SUMF1: variants seen among roughly 807,000 people sequenced by gnomAD.
SUMF1 encodes the protein formylglycine-generating enzyme.
Under a neutral mutation model 47.6 loss-of-function variants are expected in SUMF1, and 48 were observed. That is an observed-to-expected ratio of 1.01 (90% CI 0.80 to 1.28). The LOEUF (loss-of-function observed/expected upper bound fraction) is 1.28. Among genes scored for constraint, SUMF1 ranks in the 50% most tolerant of loss-of-function variants. The probability of loss-of-function intolerance (pLI) is 0.00; values close to 1 mark genes in which losing one functional copy is unlikely to be tolerated. For synonymous variants in SUMF1, 230 were observed against 192.1 expected (o/e 1.20, Z -1.63); for missense variants, 571 against 485.4 (o/e 1.18, Z -1.66).
intron 7 of SUMF1, among the ~76,000 whole-genome samples, chr3:4,403,214 G>C (rs1274446182): frequency 6.6e-6 from 1 of 152,178 alleles, no homozygotes; most frequent in Non-Finnish European, 1.5e-5. Flanking sequence ...TAAGTGACTT[G>C]CACAGGGTCA....
Position 4,239,814 on chromosome 3 carries a change from AG to A in SUMF1, c.1014+136515del, listed in dbSNP as rs1199081252. 5.9e-5 allele frequency among the ~76,000 whole-genome samples: 9 copies of A among 152,166 alleles called. 1 individual carries two copies. The highest frequency in any genetic ancestry group is 2.2e-4 in the African/African-American group (9 of 41,430). On this transcript the variant is annotated intron_variant and NMD_transcript_variant, in intron 8 of 12. Transcript: ENST00000448413. ...CAGAACTTCCAATTCTATGTTGAAT[AG>A]GAGTGGTGAGAGAGGGCATCCTTGT...
chr3:4,164,229 C>G (rs1694647421), intron 8 of SUMF1, among the ~76,000 whole-genome samples: 1 of 152,092 alleles, frequency 6.6e-6, no homozygotes, highest in Non-Finnish European at 1.5e-5. Context: ...CCCAGGATTC[C>G]TAGGATGGTA....
At chr3:4,035,723 C>A (rs1310426137) in intron 9 of SUMF1, among the ~76,000 whole-genome samples, 3 of 152,104 alleles carry the variant, frequency 2.0e-5, no homozygotes, top group African/African-American at 7.2e-5. Context: ...GGGCATAGAA[C>A]AAATGTGCCC....
intron 9 of SUMF1, among the ~76,000 whole-genome samples, chr3:4,053,555 A>T (rs1431381091): frequency 1.3e-5 from 2 of 152,086 alleles, no homozygotes; most frequent in East Asian, 1.9e-4. Context: ...AGAATCAAAA[A>T]AGCTATGAGG....
At chr3:4,172,475 T>A (rs189590484) in intron 8 of SUMF1, among the ~76,000 whole-genome samples, 1 of 152,292 alleles carries the variant, frequency 6.6e-6, no homozygotes, top group East Asian at 1.9e-4. Context: ...TCTGAGAACT[T>A]TCCTTATACA....
chr3:4,043,656 C>G (rs550955281), intron 9 of SUMF1, among the ~76,000 whole-genome samples: 6 of 152,092 alleles, frequency 3.9e-5, no homozygotes, highest in Non-Finnish European at 8.8e-5. Context: ...CTCTCTTCTT[C>G]GTCTATCTCA....
intron 5 of SUMF1, 68 bp from the exon 6 acceptor site, chr3:4,417,310 G>T: frequency 7.6e-7 from 1 of 1,309,768 alleles, no homozygotes. Flanking sequence ...TCAAGAGAAG[G>T]GATGCAATGA....
At chr3:4,437,428 T>A (rs914314540) in intron 3 of SUMF1, among the ~76,000 whole-genome samples, 2 of 150,906 alleles carry the variant, frequency 1.3e-5, no homozygotes, top group African/African-American at 4.9e-5. Flanking sequence ...ATAAGAAAAA[T>A]AAAACACAGG....
At chr3:4,105,602 T>G (rs563333178) in intron 8 of SUMF1, among the ~76,000 whole-genome samples, 1 of 152,088 alleles carries the variant, frequency 6.6e-6, no homozygotes, top group East Asian at 1.9e-4. Flanking sequence ...ATGATAATAC[T>G]GACAGAAATA....
chr3:4,389,832 T>C (rs1057444033), intron 7 of SUMF1, among the ~76,000 whole-genome samples: 1 of 152,210 alleles, frequency 6.6e-6, no homozygotes, highest in Non-Finnish European at 1.5e-5. Context: ...TATTTTCTAT[T>C]TCTTTGCTGA....
At chr3:4,104,794 C>T (rs775938297) in intron 8 of SUMF1, among the ~76,000 whole-genome samples, 1 of 152,054 alleles carries the variant, frequency 6.6e-6, no homozygotes, top group Non-Finnish European at 1.5e-5. Flanking sequence ...CCATCAGCCT[C>T]TTTCACCCTT....
At chr3:4,315,486 T>C (rs922444696) in intron 8 of SUMF1, among the ~76,000 whole-genome samples, 8 of 152,174 alleles carry the variant, frequency 5.3e-5, no homozygotes, top group African/African-American at 1.9e-4. Flanking sequence ...GACAACTGAC[T>C]GAATATGGAC....
At chr3:4,192,892 T>C (rs779907309) in intron 8 of SUMF1, among the ~76,000 whole-genome samples, 1 of 152,140 alleles carries the variant, frequency 6.6e-6, no homozygotes, top group African/African-American at 2.4e-5. Flanking sequence ...GTCAAGAGGA[T>C]GATGGGCCCT....
intron 8 of SUMF1, among the ~76,000 whole-genome samples, chr3:4,088,349 G>C (rs1692715630): frequency 6.6e-6 from 1 of 152,172 alleles, no homozygotes; most frequent in Middle Eastern, 3.4e-3. Context: ...TGGTCCACCA[G>C]GTAAACATCA....
chr3:4,285,004 T>C (rs187651902), intron 8 of SUMF1, among the ~76,000 whole-genome samples: 47 of 152,302 alleles, frequency 3.1e-4, no homozygotes, highest in South Asian at 2.9e-3. Context: ...GCTGATCATC[T>C]TCGTCTCACA....
At chr3:4,312,703 T>TAAAAAAAAAAA (rs375529794) in intron 8 of SUMF1, among the ~76,000 whole-genome samples, 106 of 135,872 alleles carry the variant, frequency 7.8e-4, no homozygotes, top group Non-Finnish European at 1.3e-3. Flanking sequence ...CCCTGTCTCT[T>TAAAAAAAAAAA]AAAAAAAAAA....
chr3:4,176,844 A>G (rs1357685004), intron 8 of SUMF1, among the ~76,000 whole-genome samples: 1 of 152,202 alleles, frequency 6.6e-6, no homozygotes, highest in Non-Finnish European at 1.5e-5. Flanking sequence ...ATAGAGGAAG[A>G]TTTACCGAAC....
intron 8 of SUMF1, among the ~76,000 whole-genome samples, chr3:4,373,621 T>C (rs1402707028): frequency 1.3e-5 from 2 of 151,676 alleles, no homozygotes; most frequent in East Asian, 3.9e-4. Context: ...AGGAATCCTA[T>C]CAAACATTTC....
chr3:4,194,036 G>T (rs185884820), intron 8 of SUMF1, among the ~76,000 whole-genome samples: 1 of 152,186 alleles, frequency 6.6e-6, no homozygotes, highest in East Asian at 1.9e-4. Context: ...CAGATATGAA[G>T]TTCTACAATT....
Sources: allele counts gnomAD v4.1 joint callset (sites outside exome capture counted in the v4.1 genomes callset), GRCh38; gene constraint gnomAD v4.1.1; transcripts MANE v1.5; gene names NCBI Gene and HGNC (gene_info 2026-07-23, HGNC 2026-07-21).